The following ITSN2 variants were observed in gnomAD, a reference collection of about 807,000 sequenced individuals.
The protein encoded by ITSN2 is intersectin 2.
Under a neutral mutation model 243.7 loss-of-function variants are expected in ITSN2, and 156 were observed. The ratio of observed to expected loss-of-function variants is 0.64; its 90% CI spans 0.56 to 0.73. The LOEUF (loss-of-function observed/expected upper bound fraction) is 0.73. Ranked by LOEUF, ITSN2 falls within the 30% of genes least tolerant of loss-of-function variation. ITSN2 has a pLI of 0.00. For synonymous variants in ITSN2, 703 were observed against 699.9 expected, an observed-to-expected ratio of 1.00 and a Z score of -0.07; for missense variants, 1,801 against 1,996.1, an observed-to-expected ratio of 0.90 and a Z score of 1.86.
chr2:24,226,595 C>T (rs910628683), intron 29 of ITSN2, among the ~76,000 whole-genome samples: 55 of 152,144 alleles, frequency 3.6e-4, no homozygotes, highest in African/African-American at 1.2e-3. Context: ...GTTCTATTAG[C>T]GGTAAATGTG....
chr2:24,334,348 T>C (rs892934590), intron 1 of ITSN2, among the ~76,000 whole-genome samples: 2 of 152,298 alleles, frequency 1.3e-5, no homozygotes, highest in South Asian at 2.1e-4. Context: ...CATCAGCCAC[T>C]GTGCCCAGCC....
chr2:24,317,105 G>A (rs1684022610), intron 2 of ITSN2, among the ~76,000 whole-genome samples: 1 of 152,214 alleles, frequency 6.6e-6, no homozygotes, highest in Non-Finnish European at 1.5e-5. Context: ...CAGTGGCCGG[G>A]CGCGGTGGCT....
At chr2:24,327,752 T>C (rs1685314972) in intron 2 of ITSN2, among the ~76,000 whole-genome samples, 2 of 152,186 alleles carry the variant, frequency 1.3e-5, no homozygotes, top group Admixed American at 1.3e-4. Context: ...CAAAATACCT[T>C]TAATAGTCAC....
chr2:24,312,842 G>T (rs1405855524), intron 4 of ITSN2, among the ~76,000 whole-genome samples: 1 of 152,084 alleles, frequency 6.6e-6, no homozygotes, highest in African/African-American at 2.4e-5. Context: ...TAAAGAAGGA[G>T]CAGGGGAAGC....
intron 29 of ITSN2, among the ~76,000 whole-genome samples, chr2:24,223,627 A>C (rs1371119301): frequency 6.7e-6 from 1 of 149,852 alleles, no homozygotes; most frequent in Non-Finnish European, 1.5e-5. Context: ...TCAAGTTTGC[A>C]GTGAGCTGTG....
intron 1 of ITSN2, among the ~76,000 whole-genome samples, chr2:24,329,983 T>C (rs573861052): frequency 2.0e-5 from 3 of 152,334 alleles, no homozygotes; most frequent in Admixed American, 1.3e-4. Context: ...ATAAGCTACA[T>C]GGCTAAAAAC....
intron 20 of ITSN2, among the ~76,000 whole-genome samples, chr2:24,266,552 T>C (rs1200396582): frequency 1.3e-5 from 2 of 152,136 alleles, no homozygotes; most frequent in Non-Finnish European, 2.9e-5. Flanking sequence ...GTAGCTCCCA[T>C]AAAATGGTGT....
intron 17 of ITSN2, among the ~76,000 whole-genome samples, chr2:24,276,452 A>G (rs1574112211): frequency 1.3e-5 from 2 of 152,350 alleles, no homozygotes; most frequent in South Asian, 2.1e-4. Flanking sequence ...AGAGGATCCA[A>G]TACAAGGCTG....
chr2:24,255,505 G>A (rs982180873), intron 23 of ITSN2, among the ~76,000 whole-genome samples: 2 of 151,808 alleles, frequency 1.3e-5, no homozygotes, highest in Admixed American at 1.3e-4. Context: ...GTGCATTCCT[G>A]TAATCCCAGT....
At chr2:24,290,337 C>T (rs1680084488) in intron 15 of ITSN2, among the ~76,000 whole-genome samples, 1 of 152,076 alleles carries the variant, frequency 6.6e-6, no homozygotes, top group Non-Finnish European at 1.5e-5. Flanking sequence ...ATGTTTCTGG[C>T]CAGAGTCTTG....
chr2:24,330,432 A>G, intron 1 of ITSN2: 1 of 623,414 alleles, frequency 1.6e-6, no homozygotes, highest in South Asian at 1.4e-5. Flanking sequence ...AGGGGATGCT[A>G]AAGGAGATAA....
At position 24,312,295 on chromosome 2, in the gene ITSN2, A is replaced by C. The variant is rs773084425; in HGVS notation, c.269T>G (p.Leu90Arg). The C allele has an allele frequency of 6.2e-7, 1 of 1,613,720 alleles. No homozygotes were observed. The highest frequency in any genetic ancestry group is 1.1e-5 in the South Asian group (1 of 91,004). The change falls in exon 5 of 40, where the codon CTT (leucine) becomes CGT (arginine). Residue 90 changes from leucine to arginine, a missense_variant. This residue lies in a region of ITSN2 where 787 missense variants were observed against 803.9 expected (regional missense o/e 0.98). Coordinates refer to ENST00000355123, the MANE Select transcript of ITSN2 (RefSeq NM_006277.3). ...AACCACAGGCAACTGTTGGCCTTGA[A>C]GCTTCAGTTTGATGAGTTTCATAGC... is the stretch of plus-strand genomic sequence containing the variant. ...SIAMKLIKLK[L>R]QGQQLPVVLP...
intron 27 of ITSN2, among the ~76,000 whole-genome samples, chr2:24,247,545 G>T (rs1031919801): frequency 6.6e-6 from 1 of 152,154 alleles, no homozygotes; most frequent in Non-Finnish European, 1.5e-5. Flanking sequence ...TTTCAAATAT[G>T]AGCATGATCT....
intron 29 of ITSN2, among the ~76,000 whole-genome samples, chr2:24,223,036 G>A (rs1311118649): frequency 6.6e-6 from 1 of 152,058 alleles, no homozygotes; most frequent in Non-Finnish European, 1.5e-5. Context: ...CGTTATTTAG[G>A]TTGACAGCAT....
At chr2:24,280,271 G>C (rs1678603072) in intron 17 of ITSN2, among the ~76,000 whole-genome samples, 1 of 152,152 alleles carries the variant, frequency 6.6e-6, no homozygotes, top group South Asian at 2.1e-4. Context: ...CTATCACAAA[G>C]GACCACAGCA....
Position 24,313,611 on chromosome 2 carries a change from G to C in ITSN2, c.125-88C>G, listed in dbSNP as rs181164374. 3.1e-4 allele frequency: 253 copies of C among 809,666 alleles called. No individual in the cohort carries two copies. In the African/African-American group the frequency reaches 4.2e-3, roughly 13 times the overall value. 50.2% of individuals were successfully genotyped at this position (809,666 alleles called of 1,614,324 possible). ...TGAATAATAATGGGTATATGTTAAT[G>C]ATTTATTATAATTTTAATACCAATC... On this transcript the variant is annotated intron_variant, in intron 3 of 39. Coordinates refer to ENST00000355123, the MANE Select transcript of ITSN2 (RefSeq NM_006277.3).
At chr2:24,350,761 G>C (rs1194410139) in intron 1 of ITSN2, among the ~76,000 whole-genome samples, 2 of 152,100 alleles carry the variant, frequency 1.3e-5, no homozygotes, top group South Asian at 4.1e-4. Flanking sequence ...ACCATATATT[G>C]TATAATTCCA....
intron 1 of ITSN2, among the ~76,000 whole-genome samples, chr2:24,354,219 G>A (rs1306104558): frequency 1.3e-5 from 2 of 152,146 alleles, no homozygotes; most frequent in Admixed American, 1.3e-4. Context: ...CCAACTGTGG[G>A]GCTGGCCCAA....
rs535876163 is a variant in ITSN2 at position 24,312,470 on chromosome 2, G to A, written c.189-95C>T. The stretch of plus-strand genomic sequence containing the variant: ...ATTGACAAAGTAAAAATGATGATAT[G>A]GCATTCACGTGTACATCATCACTAA... On this transcript the variant is annotated intron_variant, in intron 4 of 39. Transcript: ENST00000355123. The A allele has an allele frequency of 6.7e-5, 54 of 806,132 alleles. No individual in the cohort carries two copies. The African/African-American group carries it at 9.2e-4, about 14-fold the overall frequency. The allele number at this position is 806,132 out of a possible 1,614,324, so 49.9% of individuals were successfully genotyped here.
Sources: gnomAD v4.1 joint callset for allele counts (sites outside exome capture counted in the v4.1 genomes callset) on GRCh38, gnomAD v4.1.1 for gene constraint, gnomAD v4.1.1 regional missense constraint, MANE v1.5 for transcripts, NCBI Gene and HGNC (gene_info 2026-07-23, HGNC 2026-07-21) for gene names.